The following TUFM variants were observed in gnomAD, a reference collection of about 807,000 sequenced individuals.
TUFM encodes Tu translation elongation factor, mitochondrial.
TUFM carries 23 observed loss-of-function variants against 45.0 expected under a neutral mutation model. The ratio of observed to expected loss-of-function variants is 0.51; its 90% confidence interval spans 0.37 to 0.72. TUFM has a LOEUF of 0.72. TUFM is among the 30% of genes least tolerant of loss of function. TUFM has a pLI of 0.00. For synonymous variants in TUFM, 243 were observed against 252.9 expected (o/e 0.96, Z 0.37); for missense variants, 490 against 610.7 (o/e 0.80, Z 2.08).
At position 28,843,977 on chromosome 16, in the gene TUFM, G is replaced by C. The variant is rs1961864945; in HGVS notation, c.1047C>G (p.Ile349Met). The C allele has an allele frequency of 6.2e-7, 1 of 1,614,132 alleles. No individual in the cohort carries two copies. Among genetic ancestry groups the C allele is most frequent in the Non-Finnish European group, 8.5e-7 (1 of 1,180,000 alleles). ...GGGCCTCCACCTTCTGGTGGGGCTT[G>C]ATGGAACCTGGCTTGACCATGACCA... is the stretch of plus-strand genomic sequence containing the variant. ...RGLVMVKPGS[I>M]KPHQKVEAQV... is the part of the protein sequence containing the mutation. The change falls in exon 8 of 10, where the codon ATC becomes ATG. Residue 349 changes from isoleucine (I) to methionine (M), a missense_variant. Ile to Met is a conservative substitution (Grantham distance 10). Transcript: ENST00000313511.
At chr16:28,845,586 T>A (rs1169046528) in intron 2 of TUFM, 106 bp from the exon 3 acceptor site, 1 of 1,356,314 alleles carries the variant, frequency 7.4e-7, no homozygotes, top group African/African-American at 1.4e-5. Context: ...CCTCCTCCAA[T>A]CTCTAACTCT....
chr16:28,844,915 T>G lies in TUFM; in HGVS notation c.519+36A>C. 2 of 1,614,050 alleles carry G rather than the reference T, an allele frequency of 1.2e-6. No homozygotes were observed. ...TATACAGAGGGGCCCAACTCCCCAC[T>G]CTTCCCTTTTGCATCCTTACCCAGG... On this transcript the variant is annotated intron_variant, in intron 4 of 9. Transcript: ENST00000313511. This position sits in a 1 kb window ranked among gnomAD's most constrained non-coding sequence, Gnocchi z 5.8.
At position 28,842,712 on chromosome 16, in the gene TUFM, ATCTG is replaced by A. The variant is rs1327223230; in HGVS notation, c.*259_*262del. On this transcript the variant is annotated 3_prime_UTR_variant, in exon 10 of 10. Coordinates refer to ENST00000313511, the MANE Select transcript of TUFM (RefSeq NM_003321.5). ...TGCTCTGGGATCTCACAAGCTCCCCATCTGTCTGGGGTTCAACACCCTTTTTGTC... is the reference window on the plus strand; with the variant it reads ...TGCTCTGGGATCTCACAAGCTCCCCATCTGGGGTTCAACACCCTTTTTGTC... The A allele has an allele frequency of 5.8e-6, 3 of 519,792 alleles. No homozygotes were observed. The highest frequency in any genetic ancestry group is 1.1e-5 in the Non-Finnish European group (3 of 285,298). 32.2% of individuals were successfully genotyped at this position (519,792 alleles called of 1,614,324 possible). A position where few individuals can be genotyped will look rare whatever the true frequency, so the allele number is the denominator to read the frequency against.
In TUFM at chr16:28,843,065, G is replaced by A; in HGVS notation, c.1278C>T (p.Thr426=). The A allele has an allele frequency of 6.2e-7, 1 of 1,614,222 alleles. No individual in the cohort carries two copies. ...CAATAGTCCGGTTGCCATCTCGCAG[G>A]GTGAAACGCTGGCCTTTCTCTAAGA... ...PMILEKGQRF[T]LRDGNRTIGT... The change falls in exon 10 of 10, where the codon ACC becomes ACT. Residue 426 remains threonine, a synonymous_variant. Coordinates refer to ENST00000313511, the MANE Select transcript of TUFM (RefSeq NM_003321.5).
At position 28,846,304 on chromosome 16, in the gene TUFM, G is replaced by C; in HGVS notation, c.-35C>G. ...CCGGTAACCGGGGAGCCGGGACCAG[G>C]AGCCCGAGCGCACAGAAGAAGAAGG... On this transcript the variant is annotated 5_prime_UTR_variant, in exon 1 of 10. Transcript: ENST00000313511. 6.5e-7 allele frequency: 1 copy of C among 1,545,734 alleles called. No individual in the cohort carries two copies. Among genetic ancestry groups the C allele is most frequent in the Non-Finnish European group, 8.7e-7 (1 of 1,142,916 alleles).
At chr16:28,843,501 T>G (rs753272193) in intron 9 of TUFM, among the ~76,000 whole-genome samples, 18 of 152,192 alleles carry the variant, frequency 1.2e-4, no homozygotes, top group Admixed American at 4.6e-4. Flanking sequence ...TGTGGGTACA[T>G]GCTGGCAGAG....
Position 28,845,413 on chromosome 16 carries a change from T to C in TUFM, c.315A>G (p.Arg105=), listed in dbSNP as rs1961916722. 1 of 1,613,978 alleles carries C rather than the reference T, an allele frequency of 6.2e-7. No individual in the cohort carries two copies. The highest frequency in any genetic ancestry group is 8.5e-7 in the Non-Finnish European group (1 of 1,180,032). The part of the protein sequence containing the change: ...YEEIDNAPEE[R]ARGITINAAH... ...CCGCATTGATGGTGATACCCCGAGCTCGCTCCTCCGGGGCATTGTCAATCT... is the reference window on the plus strand; with the variant it reads ...CCGCATTGATGGTGATACCCCGAGCCCGCTCCTCCGGGGCATTGTCAATCT... The change falls in exon 3 of 10, where the codon CGA becomes CGG. Residue 105 remains arginine, a synonymous_variant. Coordinates refer to ENST00000313511, the MANE Select transcript of TUFM (RefSeq NM_003321.5).
chr16:28,845,838 C>T, intron 2 of TUFM, 74 bp downstream of exon 2: 1 of 1,582,764 alleles, frequency 6.3e-7, no homozygotes, highest in Non-Finnish European at 8.6e-7. Flanking sequence ...AGCAGACACT[C>T]TGCTGGCCTT....
intron 2 of TUFM, 96 bp downstream of exon 2, chr16:28,845,816 G>A (rs1961935893): frequency 1.3e-6 from 2 of 1,513,208 alleles, no homozygotes; most frequent in African/African-American, 1.4e-5. Context: ...TGGGGCCACA[G>A]TAAACTCCTC....
chr16:28,846,193 G>A (rs779129702), intron 1 of TUFM, 25 bp downstream of exon 1: 4 of 1,585,774 alleles, frequency 2.5e-6, no homozygotes, highest in Non-Finnish European at 3.4e-6. Context: ...TTCCTGGGCC[G>A]CCATCGCCCT....
rs28403629 is a variant in TUFM at position 28,843,448 on chromosome 16, A to G, written c.1194+288T>C. Among the ~76,000 whole-genome samples the G allele has an allele frequency of 0.34, 51,932 of 152,038 alleles. 9,532 individuals carry two copies. Among genetic ancestry groups the G allele is most frequent in the Admixed American group, 0.41 (6,199 of 15,268 alleles). On this transcript the variant is annotated intron_variant, in intron 9 of 9. Coordinates refer to ENST00000313511, the MANE Select transcript of TUFM (RefSeq NM_003321.5). ...AGAACTTCTTAAGCCTTCATATATA[A>G]TGAAACGCTCAAAAAGAAGAGACCT... is the stretch of plus-strand genomic sequence containing the variant.
Position 28,843,089 on chromosome 16 carries a change from G to A in TUFM, c.1254C>T (p.Ile418=), listed in dbSNP as rs768388341. The A allele has an allele frequency of 1.2e-5, 20 of 1,614,108 alleles. No individual in the cohort carries two copies. The highest frequency in any genetic ancestry group is 5.1e-6 in the Non-Finnish European group (6 of 1,180,056). ...KFNLILRQPM[I]LEKGQRFTLR... is the part of the protein sequence containing the mutation. ...GGGTGAAACGCTGGCCTTTCTCTAA[G>A]ATCATTGGCTGCCGCAAGATTAGGT... is the stretch of plus-strand genomic sequence containing the variant. The change falls in exon 10 of 10, where the codon ATC becomes ATT. Residue 418 remains isoleucine, a synonymous_variant. Coordinates refer to ENST00000313511, the MANE Select transcript of TUFM (RefSeq NM_003321.5).
rs554559253 is a variant in TUFM at position 28,842,871 on chromosome 16, C to T, written c.*104G>A. ...GGGGAAATGTCCATCTAGCTGCCCT[C>T]TGCTGGGTTGCAGCCTATGCCATGA... is the stretch of plus-strand genomic sequence containing the variant. On this transcript the variant is annotated 3_prime_UTR_variant, in exon 10 of 10. Coordinates refer to ENST00000313511, the MANE Select transcript of TUFM (RefSeq NM_003321.5). 2 of 1,471,558 alleles carry T rather than the reference C, an allele frequency of 1.4e-6. No homozygotes were observed. The highest frequency in any genetic ancestry group is 9.5e-7 in the Non-Finnish European group (1 of 1,055,244). The allele number at this position is 1,471,558 out of a possible 1,614,324, so 91.2% of individuals were successfully genotyped here.
At position 28,844,546 on chromosome 16, in the gene TUFM, C is replaced by T. The variant is rs774770949; in HGVS notation, c.690G>A (p.Arg230=). 1.9e-6 allele frequency: 3 copies of T among 1,613,674 alleles called. No individual in the cohort carries two copies. The Admixed American group carries it at 5.0e-5, about 27-fold the overall frequency. Residue 230 remains arginine (R), a synonymous_variant, in exon 6 of 10, where the codon CGG becomes CGA. Transcript: ENST00000313511. The surrounding 1 kb of genome is among the most constrained non-coding windows in gnomAD (Gnocchi z 5.8). Reference sequence around the variant, plus strand: ...CAGACTTCAGGCCTAACTCAGGGTCCCGACCCTGTTGAGGGGAAGTGCCAG... The same window carrying T: ...CAGACTTCAGGCCTAACTCAGGGTCTCGACCCTGTTGAGGGGAAGTGCCAG... ...VGSALCALEG[R]DPELGLKSVQ... is the part of the protein sequence containing the mutation.
At position 28,846,305 on chromosome 16, in the gene TUFM, A is replaced by G. The variant is rs1380781523; in HGVS notation, c.-36T>C. The G allele has an allele frequency of 1.9e-6, 3 of 1,545,682 alleles. No homozygotes were observed. The highest frequency in any genetic ancestry group is 2.6e-6 in the Non-Finnish European group (3 of 1,142,936). On this transcript the variant is annotated 5_prime_UTR_variant, in exon 1 of 10. Coordinates refer to ENST00000313511, the MANE Select transcript of TUFM (RefSeq NM_003321.5). ...CGGTAACCGGGGAGCCGGGACCAGGAGCCCGAGCGCACAGAAGAAGAAGGG... is the reference window on the plus strand; with the variant it reads ...CGGTAACCGGGGAGCCGGGACCAGGGGCCCGAGCGCACAGAAGAAGAAGGG...
Position 28,844,916 on chromosome 16 carries a change from C to A in TUFM, c.519+35G>T. 1.9e-6 allele frequency: 3 copies of A among 1,614,176 alleles called. No individual in the cohort carries two copies. Among genetic ancestry groups the A allele is most frequent in the Non-Finnish European group, 2.5e-6 (3 of 1,180,016 alleles). On this transcript the variant is annotated intron_variant, in intron 4 of 9. Coordinates refer to ENST00000313511, the MANE Select transcript of TUFM (RefSeq NM_003321.5). This position sits in a 1 kb window ranked among gnomAD's most constrained non-coding sequence, Gnocchi z 5.8. ...ATACAGAGGGGCCCAACTCCCCACT[C>A]TTCCCTTTTGCATCCTTACCCAGGC...
Position 28,845,064 on chromosome 16 carries a change from G to A in TUFM, c.415-9C>T, listed in dbSNP as rs755137585. On this transcript the variant is annotated splice_polypyrimidine_tract_variant and intron_variant, in intron 3 of 9. Coordinates refer to ENST00000313511, the MANE Select transcript of TUFM (RefSeq NM_003321.5). ...GTGCCTGTGATCATATTCTGGAGAGGAGAAGGAAAGGAAACAGCCAAGTTC... is the reference window on the plus strand; with the variant it reads ...GTGCCTGTGATCATATTCTGGAGAGAAGAAGGAAAGGAAACAGCCAAGTTC... 15 of 1,613,754 alleles carry A rather than the reference G, an allele frequency of 9.3e-6. No homozygotes were observed. Among genetic ancestry groups the A allele is most frequent in the Middle Eastern group, 3.3e-4 (2 of 6,062 alleles).
chr16:28,842,978 ACC>A lies in TUFM; in HGVS notation c.1363_1364del (p.Gly455LeufsTer31). 1 of 1,614,058 alleles carries A rather than the reference ACC, an allele frequency of 6.2e-7. No homozygotes were observed. Among genetic ancestry groups the A allele is most frequent in the Non-Finnish European group, 8.5e-7 (1 of 1,180,000 alleles). ...AGCTGAGCAGAGATCTGCACACTCA[ACC>A]CCATTTGATATTCTTCTCCTCCTCA... ...MTEEEKNIKW[G>X] On this transcript the variant is annotated frameshift_variant, in exon 10 of 10. Coordinates refer to ENST00000313511, the MANE Select transcript of TUFM (RefSeq NM_003321.5). LOFTEE classifies it high-confidence loss of function.
chr16:28,844,324 G>A lies in TUFM; in HGVS notation c.828C>T (p.Thr276=), dbSNP rs368391510. ...EAVYSVPGRG[T]VVTGTLERGI... Reference sequence around the variant, plus strand: ...CACGCTCTAGTGTACCTGTCACCACGGTGCCACGGCCTGGGAGGGAATAAG... The same window carrying A: ...CACGCTCTAGTGTACCTGTCACCACAGTGCCACGGCCTGGGAGGGAATAAG... The change falls in exon 7 of 10, where the codon ACC becomes ACT. Residue 276 remains threonine, a synonymous_variant. Coordinates refer to ENST00000313511, the MANE Select transcript of TUFM (RefSeq NM_003321.5). This position sits in a 1 kb window ranked among gnomAD's most constrained non-coding sequence, Gnocchi z 5.8. 10 of 1,614,010 alleles carry A rather than the reference G, an allele frequency of 6.2e-6. No individual in the cohort carries two copies. Among genetic ancestry groups the A allele is most frequent in the South Asian group, 4.4e-5 (4 of 91,078 alleles).
Sources: allele counts gnomAD v4.1 joint callset (sites outside exome capture counted in the v4.1 genomes callset), GRCh38; gene constraint gnomAD v4.1.1; non-coding constraint Gnocchi (gnomAD v3.1); transcripts MANE v1.5; gene names NCBI Gene and HGNC (gene_info 2026-07-23, HGNC 2026-07-21).